Variants in LAMA5 observed in about 807,000 individuals in gnomAD.
LAMA5 encodes laminin subunit alpha-5.
A neutral mutation model predicts 433.4 loss-of-function variants in LAMA5; 260 were observed. That is an observed-to-expected ratio of 0.60 (90% CI 0.54 to 0.66). LAMA5 has a LOEUF of 0.66. Among genes scored for constraint, LAMA5 ranks in the 30% least tolerant of loss-of-function variants. The pLI is 0.00. For missense variants in LAMA5, 5,378 were observed against 5,258.5 expected, an observed-to-expected ratio of 1.02 and a Z score of -0.70; for synonymous variants, 2,620 against 2,226.6, an observed-to-expected ratio of 1.18 and a Z score of -4.97.
Position 62,332,906 on chromosome 20 carries a change from A to G in LAMA5, c.3282+184T>C, listed in dbSNP as rs374456639. 8.4e-4 allele frequency among the ~76,000 whole-genome samples: 35 copies of G among 41,636 alleles called. 1 individual carries two copies. In the East Asian group the frequency reaches 0.031, roughly 37 times the overall value. The allele number at this position is 41,636 out of a possible 152,430, so 27.3% of individuals were successfully genotyped here. ...AGGCCACAGCCAATCCTACATACAGACAGGCACTGAGGTCACACATGCAGG... is the reference window on the plus strand; with the variant it reads ...AGGCCACAGCCAATCCTACATACAGGCAGGCACTGAGGTCACACATGCAGG... On this transcript the variant is annotated intron_variant, in intron 26 of 79. Coordinates refer to ENST00000252999, the MANE Select transcript of LAMA5 (RefSeq NM_005560.6).
chr20:62,316,572 C>T (rs1214186382), intron 57 of LAMA5, 99 bp downstream of exon 57: 2 of 908,816 alleles, frequency 2.2e-6, no homozygotes, highest in African/African-American at 3.4e-5. Flanking sequence ...GCTGCGGTGA[C>T]CCACAAACCC....
In LAMA5 at chr20:62,329,039, G is replaced by T; in HGVS notation, c.4252C>A (p.Leu1418Met). ...GYHISPSSSS[L>M]FCRNAAASLS... Reference sequence around the variant, plus strand: ...GAAGCAGCAGCGTTTCGGCAGAACAGGGATGAGCTGCTGGGGCTACATGGA... The same window carrying T: ...GAAGCAGCAGCGTTTCGGCAGAACATGGATGAGCTGCTGGGGCTACATGGA... Residue 1418 changes from leucine to methionine, a missense_variant, in exon 34 of 80, where the codon CTG (leucine) becomes ATG (methionine). Transcript: ENST00000252999. The T allele has an allele frequency of 6.2e-7, 1 of 1,612,750 alleles. No homozygotes were observed. Among genetic ancestry groups the T allele is most frequent in the Non-Finnish European group, 8.5e-7 (1 of 1,179,902 alleles).
rs775708436 is a variant in LAMA5 at position 62,327,705 on chromosome 20, T to G, written c.4798-36A>C. The G allele has an allele frequency of 3.1e-6, 5 of 1,603,016 alleles. No homozygotes were observed. In the Admixed American group the frequency reaches 8.4e-5, roughly 27 times the overall value. On this transcript the variant is annotated intron_variant, in intron 36 of 79. Coordinates refer to ENST00000252999, the MANE Select transcript of LAMA5 (RefSeq NM_005560.6). ...GAGGACAGTGAGAGTGGTCGGCAGG[T>G]GCCAGGTGCCTGACCCCGGGTTCCT...
chr20:62,311,082 G>A lies in LAMA5; in HGVS notation c.10101C>T (p.Ser3367=), dbSNP rs751030679. ...GGGAGCTTCGCGGGAGGACGTGCAT[G>A]GAGAGACTGGGCCTGGAAGCGGAGC... ...LARHRNWPSL[S]MHVLPRSSRG... Residue 3367 remains serine, a synonymous_variant, in exon 74 of 80, where the codon TCC becomes TCT. Coordinates refer to ENST00000252999, the MANE Select transcript of LAMA5 (RefSeq NM_005560.6). The A allele has an allele frequency of 4.4e-6, 7 of 1,582,006 alleles. No individual in the cohort carries two copies. Among genetic ancestry groups the A allele is most frequent in the Non-Finnish European group, 4.3e-6 (5 of 1,162,912 alleles).
At chr20:62,351,630 C>A in intron 6 of LAMA5, 74 bp downstream of exon 6, 1 of 1,437,988 alleles carries the variant, frequency 7.0e-7, no homozygotes, top group Non-Finnish European at 9.6e-7. Context: ...TCAGGTTAGG[C>A]AGGGGTGACA....
At chr20:62,339,989 C>T (rs944278959) in intron 11 of LAMA5, among the ~76,000 whole-genome samples, 8 of 152,050 alleles carry the variant, frequency 5.3e-5, no homozygotes, top group Admixed American at 1.3e-4. Context: ...GGTGGTAAAC[C>T]GAGAGCTGTG....
rs1223630234 is a variant in LAMA5 at position 62,327,153 on chromosome 20, A to T, written c.5112+80T>A. 3 of 1,358,356 alleles carry T rather than the reference A, an allele frequency of 2.2e-6. No homozygotes were observed. In the Admixed American group the frequency reaches 8.4e-5, roughly 38 times the overall value. 84.1% of individuals were successfully genotyped at this position (1,358,356 alleles called of 1,614,324 possible). On this transcript the variant is annotated intron_variant, in intron 38 of 79. Transcript: ENST00000252999. Reference sequence around the variant, plus strand: ...CATGGAGCTCCCCCTCCCTGGACAGACCCCGCTCCTGGCTCCCAACCCTCT... The same window carrying T: ...CATGGAGCTCCCCCTCCCTGGACAGTCCCCGCTCCTGGCTCCCAACCCTCT...
In LAMA5 at chr20:62,351,940, T is replaced by G. The variant is rs752517160; in HGVS notation, c.827A>C (p.Lys276Thr). 3 of 1,611,128 alleles carry G rather than the reference T, an allele frequency of 1.9e-6. No homozygotes were observed. The African/African-American group carries it at 4.0e-5, about 22-fold the overall frequency. The change falls in exon 5 of 80, where the codon AAG (lysine) becomes ACG (threonine). Residue 276 changes from lysine (K) to threonine (T), a missense_variant. Transcript: ENST00000252999. ...GGTGACCGTGGGGTCCCGCAGCGCCTTCCCCATGAGATGGCCCAGCAGCGT... is the reference window on the plus strand; with the variant it reads ...GGTGACCGTGGGGTCCCGCAGCGCCGTCCCCATGAGATGGCCCAGCAGCGT... ...TNTLLGHLMG[K>T]ALRDPTVTRR...
chr20:62,326,580 A>T, intron 40 of LAMA5, 97 bp downstream of exon 40: 1 of 1,001,072 alleles, frequency 1.0e-6, no homozygotes, highest in African/African-American at 1.6e-5. Context: ...GTTTTCCACC[A>T]CGGAGAATGG....
At chr20:62,319,291 G>A (rs1987394620) in intron 51 of LAMA5, among the ~76,000 whole-genome samples, 2 of 152,040 alleles carry the variant, frequency 1.3e-5, no homozygotes, top group African/African-American at 4.8e-5. Context: ...GGCCCACCCT[G>A]CTCCCTGGCC....
At chr20:62,327,101 C>G (rs560685667) in intron 38 of LAMA5, 132 bp downstream of exon 38, 9 of 1,124,388 alleles carry the variant, frequency 8.0e-6, no homozygotes, top group Non-Finnish European at 1.1e-5. Context: ...CCTACCGGGA[C>G]AGGGCCTGGG....
At position 62,347,144 on chromosome 20, in the gene LAMA5, A is replaced by C. The variant is rs972237235; in HGVS notation, c.957-116T>G. The C allele has an allele frequency of 4.1e-6, 3 of 726,604 alleles. No homozygotes were observed. The African/African-American group carries it at 5.2e-5, about 13-fold the overall frequency. 45.0% of individuals were successfully genotyped at this position (726,604 alleles called of 1,614,324 possible). On this transcript the variant is annotated intron_variant, in intron 6 of 79. Coordinates refer to ENST00000252999, the MANE Select transcript of LAMA5 (RefSeq NM_005560.6). ...CGATGGCTTGGCTTGCCACATGGACACGGCCCCCCGCTGCTGTTTCTCCAG... is the reference window on the plus strand; with the variant it reads ...CGATGGCTTGGCTTGCCACATGGACCCGGCCCCCCGCTGCTGTTTCTCCAG...
chr20:62,336,872 G>A, intron 16 of LAMA5, 86 bp from the exon 17 acceptor site: 1 of 1,368,408 alleles, frequency 7.3e-7, no homozygotes, highest in South Asian at 1.2e-5. Context: ...AGAACCCACG[G>A]TCCCACAGGA....
chr20:62,333,154 C>T lies in LAMA5; in HGVS notation c.3218G>A (p.Arg1073Gln), dbSNP rs752949328. 4.6e-6 allele frequency: 7 copies of T among 1,514,240 alleles called. No homozygotes were observed. The East Asian group carries it at 6.8e-5, about 15-fold the overall frequency. 93.8% of individuals were successfully genotyped at this position (1,514,240 alleles called of 1,614,324 possible). A position where few individuals can be genotyped will look rare whatever the true frequency, so the allele number is the denominator to read the frequency against. The change falls in exon 26 of 80, where the codon CGG (arginine) becomes CAG (glutamine). Residue 1073 changes from arginine (R) to glutamine (Q), a missense_variant. Arg to Gln is a conservative substitution (Grantham distance 43). Transcript: ENST00000252999. Reference protein sequence around the residue: ...ALCRQDNSLPRPCPTEQLSPS... With the variant: ...ALCRQDNSLPQPCPTEQLSPS... ...GCTGAGCTGCTCCGTGGGGCAGGGC[C>T]GGGGCAGGCTGTTGTCCTGGCGACA...
At position 62,359,891 on chromosome 20, in the gene LAMA5, C is replaced by T. The variant is rs11698467; in HGVS notation, c.450+2509G>A. On this transcript the variant is annotated intron_variant, in intron 2 of 79. Transcript: ENST00000252999. This position sits in a 1 kb window ranked among gnomAD's most constrained non-coding sequence, Gnocchi z 4.3. ...GTGATGCAGCCCACCCCGCCCTCCT[C>T]AGCCTTCCAGGAGCAGGAAGCCTTC... 0.038 allele frequency among the ~76,000 whole-genome samples: 5,765 copies of T among 152,050 alleles called. 130 individuals carry two copies. Among genetic ancestry groups the T allele is most frequent in the African/African-American group, 0.056 (2,334 of 41,434 alleles).
intron 4 of LAMA5, 30 bp from the exon 5 acceptor site, chr20:62,352,109 G>A: frequency 6.2e-7 from 1 of 1,606,092 alleles, no homozygotes; most frequent in Non-Finnish European, 8.5e-7. Flanking sequence ...ACGCCAGTGT[G>A]GCCCTAGCCC....
chr20:62,318,908 A>G lies in LAMA5; in HGVS notation c.6977T>C (p.Met2326Thr). The change falls in exon 52 of 80, where the codon ATG becomes ACG. Residue 2326 changes from methionine to threonine, a missense_variant. Coordinates refer to ENST00000252999, the MANE Select transcript of LAMA5 (RefSeq NM_005560.6). ...CGGGGCCCCCAGGTCCCGGGCCCGC[A>G]TCTCCCAGAGCAGCCGCTCCACCTC... ...LAEVERLLWEMRARDLGAPQA... is the reference protein window; with the variant it reads ...LAEVERLLWETRARDLGAPQA... The G allele has an allele frequency of 6.2e-7, 1 of 1,604,986 alleles. No individual in the cohort carries two copies. The highest frequency in any genetic ancestry group is 8.5e-7 in the Non-Finnish European group (1 of 1,177,846).
At chr20:62,327,088 T>G in intron 38 of LAMA5, 122 bp from the exon 39 acceptor site, 1 of 1,084,514 alleles carries the variant, frequency 9.2e-7, no homozygotes, top group Non-Finnish European at 1.3e-6. Flanking sequence ...CTTGCGCTCA[T>G]TCCCTACCGG....
At chr20:62,357,830 C>T (rs1349833665) in intron 2 of LAMA5, among the ~76,000 whole-genome samples, 2 of 152,176 alleles carry the variant, frequency 1.3e-5, no homozygotes, top group East Asian at 1.9e-4. Flanking sequence ...CAGGGGGCTG[C>T]CCGCACCTCA....
Sources: allele counts gnomAD v4.1 joint callset (sites outside exome capture counted in the v4.1 genomes callset), GRCh38; gene constraint gnomAD v4.1.1; non-coding constraint Gnocchi (gnomAD v3.1); transcripts MANE v1.5; gene names NCBI Gene and HGNC (gene_info 2026-07-23, HGNC 2026-07-21).